Variants in LHCGR observed in about 807,000 individuals in gnomAD.
LHCGR encodes luteinizing hormone/choriogonadotropin receptor.
In LHCGR, 55 loss-of-function variants were observed where a neutral mutation model predicts 60.7. That is an observed-to-expected ratio of 0.91 (90% CI 0.73 to 1.13). The LOEUF is 1.13. Among genes scored for constraint, LHCGR ranks in the 50% most tolerant of loss-of-function variants. The pLI is 0.00. For missense variants in LHCGR, 862 were observed against 836.0 expected, an observed-to-expected ratio of 1.03 and a Z score of -0.38; for synonymous variants, 337 against 316.5, an observed-to-expected ratio of 1.06 and a Z score of -0.69.
intron 1 of LHCGR, among the ~76,000 whole-genome samples, chr2:48,734,333 A>AAC (rs1669127227): frequency 6.6e-6 from 1 of 152,216 alleles, no homozygotes; most frequent in Non-Finnish European, 1.5e-5. Flanking sequence ...CCTGCACATG[A>AAC]ACATACACTA....
chr2:48,725,724 C>G lies in LHCGR; in HGVS notation c.335G>C (p.Arg112Thr), dbSNP rs768736086. 6.2e-7 allele frequency: 1 copy of G among 1,613,192 alleles called. No homozygotes were observed. The highest frequency in any genetic ancestry group is 8.5e-7 in the Non-Finnish European group (1 of 1,179,444). ...TATAAATGCTCCGGGCTCAATGTAT[C>G]TCAGATTTTTGGTGTTCTGGATCAG... ...EILIQNTKNL[R>T]YIEPGAFINL... Residue 112 changes from arginine to threonine, a missense_variant, in exon 4 of 11, where the codon AGA (arginine) becomes ACA (threonine). Physicochemically the swap from Arg to Thr is moderately conservative, Grantham distance 71. Transcript: ENST00000294954.
In LHCGR at chr2:48,691,779, G is replaced by T. The variant is rs1356588164; in HGVS notation, c.947+2445C>A. ...GAGAATCGCTTGAACTCGGGAGGTG[G>T]AGGTTGCAGTGAGCTGAGATCGTGC... On this transcript the variant is annotated intron_variant, in intron 10 of 10. Coordinates refer to ENST00000294954, the MANE Select transcript of LHCGR (RefSeq NM_000233.4). Among the ~76,000 whole-genome samples, 5 of 151,194 alleles carry T rather than the reference G, an allele frequency of 3.3e-5. No homozygotes were observed. In the East Asian group the frequency reaches 9.7e-4, roughly 29 times the overall value.
chr2:48,712,368 G>T (rs1253723707), intron 7 of LHCGR, among the ~76,000 whole-genome samples: 1 of 152,070 alleles, frequency 6.6e-6, no homozygotes, highest in Non-Finnish European at 1.5e-5. Context: ...CACAGCTGAT[G>T]CTTGGTAAAC....
chr2:48,694,470 G>C (rs977959715), intron 9 of LHCGR, among the ~76,000 whole-genome samples, 166 bp from the exon 10 acceptor site: 2 of 152,108 alleles, frequency 1.3e-5, no homozygotes, highest in Non-Finnish European at 2.9e-5. Context: ...GAGAGTAAAG[G>C]CTTCTGAATT....
At chr2:48,713,247 C>A (rs747571828) in intron 7 of LHCGR, among the ~76,000 whole-genome samples, 53 of 151,998 alleles carry the variant, frequency 3.5e-4, no homozygotes, top group Non-Finnish European at 6.3e-4. Flanking sequence ...TGTTTATTTT[C>A]CATAATTTTG....
rs397932622 is a variant in LHCGR, at chr2:48,717,561, T to TTATTATTATTATTAC, written c.537-3508_537-3507insGTAATAATAATAATA. ...GTTGATCTTATTATTATTATTATTA[T>TTATTATTATTATTAC]ATTTTTCAGTAGCCTCTAGCCTTCT... On this transcript the variant is annotated intron_variant, in intron 6 of 10. Transcript: ENST00000294954. Among the ~76,000 whole-genome samples the TTATTATTATTATTAC allele has an allele frequency of 3.3e-5, 5 of 152,010 alleles. No homozygotes were observed. In the South Asian group the frequency reaches 6.3e-4, roughly 19 times the overall value.
chr2:48,688,501 G>C lies in LHCGR; in HGVS notation c.1296C>G (p.Asp432Glu), dbSNP rs1572803355. 1 of 1,614,184 alleles carries C rather than the reference G, an allele frequency of 6.2e-7. No homozygotes were observed. Among genetic ancestry groups the C allele is most frequent in the South Asian group, 1.1e-5 (1 of 91,074 alleles). ...TKGQYYNHAI[D>E]WQTGSGCSTA... ...TGCTGCACCCACTCCCTGTCTGCCA[G>C]TCTATGGCATGGTTATAGTACTGGC... Residue 432 changes from aspartate to glutamate, a missense_variant, in exon 11 of 11, where the codon GAC becomes GAG. Transcript: ENST00000294954. The surrounding 1 kb of genome is among the most constrained non-coding windows in gnomAD (Gnocchi z 5.2).
chr2:48,744,304 A>G (rs1408549185), intron 1 of LHCGR, among the ~76,000 whole-genome samples: 6 of 39,702 alleles, frequency 1.5e-4, no homozygotes, highest in African/African-American at 6.7e-4. Context: ...CATCCCCATC[A>G]AGCTACCAAT....
intron 1 of LHCGR, among the ~76,000 whole-genome samples, chr2:48,747,827 T>A (rs1669779346): frequency 1.3e-5 from 2 of 152,190 alleles, no homozygotes; most frequent in African/African-American, 4.8e-5. Context: ...GAAAAAAGAC[T>A]TACCCAGAGC....
intron 7 of LHCGR, among the ~76,000 whole-genome samples, chr2:48,711,839 C>T (rs925356103): frequency 6.6e-6 from 1 of 152,184 alleles, no homozygotes; most frequent in African/African-American, 2.4e-5. Flanking sequence ...CTACCCCTTC[C>T]AGCCTTCCGT....
intron 1 of LHCGR, among the ~76,000 whole-genome samples, chr2:48,749,436 C>A (rs1214153827): frequency 1.3e-5 from 2 of 152,214 alleles, no homozygotes; most frequent in African/African-American, 4.8e-5. Context: ...AGCACATATG[C>A]TCCCATGGAG....
In LHCGR at chr2:48,708,983, A is replaced by T. The variant is rs549243754; in HGVS notation, c.645T>A (p.Asn215Lys). Residue 215 changes from asparagine to lysine, a missense_variant, in exon 8 of 11, where the codon AAT becomes AAA. By Grantham distance (94) the Asn-to-Lys change is moderately conservative. Transcript: ENST00000294954. ...GCCCTGTGGCCCCACGGAAGGCTCC[A>T]TTGTGCATCTTCTCCAGATGTACGT... ...KENVHLEKMH[N>K]GAFRGATGPK... 1 of 1,614,194 alleles carries T rather than the reference A, an allele frequency of 6.2e-7. No homozygotes were observed. Among genetic ancestry groups the T allele is most frequent in the Non-Finnish European group, 8.5e-7 (1 of 1,180,026 alleles).
intron 1 of LHCGR, among the ~76,000 whole-genome samples, chr2:48,732,711 T>C (rs1669050504): frequency 6.6e-6 from 1 of 152,170 alleles, no homozygotes; most frequent in African/African-American, 2.4e-5. Context: ...TTGCTTCTCC[T>C]GAGAGGAAGC....
intron 2 of LHCGR, 107 bp from the exon 3 acceptor site, chr2:48,729,334 G>A (rs913887184): frequency 8.1e-6 from 7 of 860,020 alleles, no homozygotes; most frequent in African/African-American, 5.0e-5. Context: ...ACACCACTGT[G>A]TCCCCCTGAA....
intron 1 of LHCGR, among the ~76,000 whole-genome samples, chr2:48,732,445 G>C (rs974343402): frequency 6.6e-6 from 1 of 152,196 alleles, no homozygotes; most frequent in Non-Finnish European, 1.5e-5. Context: ...GAAGGGACTT[G>C]CTACAGTTGT....
chr2:48,752,833 C>T (rs1046059873), intron 1 of LHCGR, among the ~76,000 whole-genome samples: 36 of 151,990 alleles, frequency 2.4e-4, no homozygotes, highest in African/African-American at 7.7e-4. Flanking sequence ...CCTGTATCTT[C>T]AGTCTGTCCT....
At chr2:48,748,782 C>T (rs868225698) in intron 1 of LHCGR, among the ~76,000 whole-genome samples, 6 of 152,164 alleles carry the variant, frequency 3.9e-5, no homozygotes, top group African/African-American at 1.4e-4. Flanking sequence ...TCTGGTCCCA[C>T]TCAGGGACAG....
Position 48,755,081 on chromosome 2 carries a change from G to A in LHCGR, c.161+430C>T, listed in dbSNP as rs537914595. On this transcript the variant is annotated intron_variant, in intron 1 of 10. Coordinates refer to ENST00000294954, the MANE Select transcript of LHCGR (RefSeq NM_000233.4). ...ATAGGGCCTGAGCACTCCATTCCTA[G>A]AGGACCACAGGGTGCCAGAGCTCAC... 1.1e-4 allele frequency among the ~76,000 whole-genome samples: 17 copies of A among 152,180 alleles called. No individual in the cohort carries two copies. The South Asian group carries it at 3.5e-3, about 32-fold the overall frequency.
chr2:48,732,858 T>G (rs768071961), intron 1 of LHCGR: 7 of 534,390 alleles, frequency 1.3e-5, no homozygotes, highest in South Asian at 9.8e-5. Context: ...CTAGAGAAAG[T>G]AATCCAACTT....
Sources: allele counts gnomAD v4.1 joint callset (sites outside exome capture counted in the v4.1 genomes callset), GRCh38; gene constraint gnomAD v4.1.1; non-coding constraint Gnocchi (gnomAD v3.1); transcripts MANE v1.5; gene names NCBI Gene and HGNC (gene_info 2026-07-23, HGNC 2026-07-21).